PAN3: variants seen among roughly 807,000 people sequenced by gnomAD.
PAN3 encodes PAN2-PAN3 deadenylation complex subunit PAN3.
In PAN3, 19 loss-of-function variants were observed where a neutral mutation model predicts 96.2. That is an observed-to-expected ratio of 0.20 (90% CI 0.14 to 0.29). PAN3 has a LOEUF of 0.29. PAN3 is among the 10% of genes least tolerant of loss of function. The pLI is 1.00. For missense variants in PAN3, 882 were observed against 1,108.1 expected, an observed-to-expected ratio of 0.80 and a Z score of 2.90; for synonymous variants, 433 against 406.6, an observed-to-expected ratio of 1.06 and a Z score of -0.78.
At chr13:28,151,389 C>G (rs377446962) in intron 1 of PAN3, among the ~76,000 whole-genome samples, 1 of 151,976 alleles carries the variant, frequency 6.6e-6, no homozygotes, top group Non-Finnish European at 1.5e-5. Flanking sequence ...GTGGTGGGCA[C>G]CTGTAGTCCC....
chr13:28,206,563 C>T (rs1010477518), intron 5 of PAN3, among the ~76,000 whole-genome samples: 1 of 152,080 alleles, frequency 6.6e-6, no homozygotes, highest in East Asian at 1.9e-4. Flanking sequence ...CTCAGGTGAT[C>T]CAGCTGCCTC....
chr13:28,163,554 A>G (rs1331023249), intron 1 of PAN3, among the ~76,000 whole-genome samples: 3 of 152,232 alleles, frequency 2.0e-5, no homozygotes, highest in Non-Finnish European at 4.4e-5. Flanking sequence ...TGAAATTTAC[A>G]GTTACTTGCT....
At chr13:28,176,757 AG>A (rs1185650237) in intron 3 of PAN3, among the ~76,000 whole-genome samples, 198 bp downstream of exon 3, 2 of 152,138 alleles carry the variant, frequency 1.3e-5, no homozygotes, top group Non-Finnish European at 2.9e-5. Flanking sequence ...CTGTAATCCC[AG>A]CACTTTGGGA....
intron 6 of PAN3, chr13:28,239,632 C>A: frequency 7.8e-7 from 1 of 1,289,726 alleles, no homozygotes; most frequent in Non-Finnish European, 1.0e-6. Context: ...TCCTACAATT[C>A]ATGAAACTGA....
In PAN3 at chr13:28,138,815, C is replaced by T; in HGVS notation, c.158C>T (p.Ala53Val). The change falls in exon 1 of 19, where the codon GCT becomes GTT. Residue 53 changes from alanine (A) to valine (V), a missense_variant. By Grantham distance (64) the Ala-to-Val change is moderately conservative. Coordinates refer to ENST00000380958, the MANE Select transcript of PAN3 (RefSeq NM_175854.8). ...GVKLKYCRYYAKDKTCFYGEE... is the reference protein window; with the variant it reads ...GVKLKYCRYYVKDKTCFYGEE... ...AAGCTGAAGTACTGCCGCTACTACG[C>T]TAAGGATAAGACTTGCTTCTACGGG... The T allele has an allele frequency of 7.1e-7, 1 of 1,412,818 alleles. No homozygotes were observed. Among genetic ancestry groups the T allele is most frequent in the Non-Finnish European group, 9.2e-7 (1 of 1,086,330 alleles). The allele number at this position is 1,412,818 out of a possible 1,614,324, so 87.5% of individuals were successfully genotyped here. A position where few individuals can be genotyped will look rare whatever the true frequency, so the allele number is the denominator to read the frequency against.
At position 28,197,231 on chromosome 13, in the gene PAN3, T is replaced by C. The variant is rs989918874; in HGVS notation, c.737T>C (p.Met246Thr). 9 of 1,613,424 alleles carry C rather than the reference T, an allele frequency of 5.6e-6. No individual in the cohort carries two copies. The highest frequency in any genetic ancestry group is 1.3e-5 in the African/African-American group (1 of 74,884). The change falls in exon 5 of 19, where the codon ATG becomes ACG. Residue 246 changes from methionine to threonine, a missense_variant. Coordinates refer to ENST00000380958, the MANE Select transcript of PAN3 (RefSeq NM_175854.8). ...LGMLEERLVP[M>T]GSKARKAKNP... ...ATGCTGGAGGAGAGGCTAGTTCCGA[T>C]GGGATCAAAGGCACGAAAAGCAAAG...
At chr13:28,279,139 A>C (rs951688343) in intron 15 of PAN3, among the ~76,000 whole-genome samples, 2 of 152,124 alleles carry the variant, frequency 1.3e-5, no homozygotes, top group Non-Finnish European at 1.5e-5. Flanking sequence ...TACGTATAGA[A>C]TAAGCGGCAG....
chr13:28,239,430 T>C (rs1883439015), intron 6 of PAN3: 14 of 346,424 alleles, frequency 4.0e-5, no homozygotes, highest in South Asian at 2.7e-4. Context: ...GCCCATGACA[T>C]ATAGATGCCT....
At chr13:28,276,728 A>G (rs982564678) in intron 14 of PAN3, among the ~76,000 whole-genome samples, 1 of 152,202 alleles carries the variant, frequency 6.6e-6, no homozygotes, top group African/African-American at 2.4e-5. Context: ...AATGTTTGTA[A>G]TAGGATAACT....
chr13:28,170,737 C>G (rs765424894), intron 1 of PAN3, among the ~76,000 whole-genome samples: 1 of 152,100 alleles, frequency 6.6e-6, no homozygotes, highest in Non-Finnish European at 1.5e-5. Flanking sequence ...ATCATCATTA[C>G]TGTGAAAATA....
Position 28,154,300 on chromosome 13 carries a change from T to G in PAN3, c.430+15213T>G, listed in dbSNP as rs78547882. 6.9e-3 allele frequency among the ~76,000 whole-genome samples: 1,044 copies of G among 152,266 alleles called. 11 individuals carry two copies. The highest frequency in any genetic ancestry group is 0.024 in the African/African-American group (1,008 of 41,546). On this transcript the variant is annotated intron_variant, in intron 1 of 18. Transcript: ENST00000380958. Reference sequence around the variant, plus strand: ...GTTCAGGTCAAAATAGTGTACTGTATACACTCCAGTGAAACAGTGGGATCT... The same window carrying G: ...GTTCAGGTCAAAATAGTGTACTGTAGACACTCCAGTGAAACAGTGGGATCT...
chr13:28,285,482 TCA>T (rs1220500960), intron 17 of PAN3, among the ~76,000 whole-genome samples: 1 of 152,162 alleles, frequency 6.6e-6, no homozygotes, highest in African/African-American at 2.4e-5. Flanking sequence ...GTTCAGAAAT[TCA>T]CAGTGATGTT....
intron 15 of PAN3, among the ~76,000 whole-genome samples, chr13:28,279,753 T>C (rs1887316651): frequency 6.6e-6 from 1 of 151,224 alleles, no homozygotes. Context: ...AACGAGACTC[T>C]GTCACCAAAA....
At position 28,177,882 on chromosome 13, in the gene PAN3, G is replaced by A; in HGVS notation, c.637G>A (p.Ala213Thr). The change falls in exon 4 of 19, where the codon GCT becomes ACT. Residue 213 changes from alanine (A) to threonine (T), a missense_variant. Coordinates refer to ENST00000380958, the MANE Select transcript of PAN3 (RefSeq NM_175854.8). ...CCTTTCAGATCCTCTAACATCACCT[G>A]CTTCATCCTTGTTTAATGACTTTGG... ...YSAHDPLTSP[A>T]SSLFNDFGAL... The A allele has an allele frequency of 6.2e-7, 1 of 1,613,110 alleles. No individual in the cohort carries two copies. The highest frequency in any genetic ancestry group is 8.5e-7 in the Non-Finnish European group (1 of 1,179,342).
intron 1 of PAN3, among the ~76,000 whole-genome samples, chr13:28,140,377 T>C (rs1312717876): frequency 2.0e-5 from 3 of 152,220 alleles, no homozygotes; most frequent in African/African-American, 7.2e-5. Context: ...ATAGGAGTCC[T>C]ACTTTCTTGG....
chr13:28,238,932 T>C (rs1016426369), intron 6 of PAN3, among the ~76,000 whole-genome samples: 1 of 152,008 alleles, frequency 6.6e-6, no homozygotes, highest in African/African-American at 2.4e-5. Flanking sequence ...TTAGACATAA[T>C]AAGGAAGGCA....
At chr13:28,206,998 A>G (rs1006577459) in intron 5 of PAN3, among the ~76,000 whole-genome samples, 1 of 151,910 alleles carries the variant, frequency 6.6e-6, no homozygotes, top group African/African-American at 2.4e-5. Flanking sequence ...TTAAAACTCA[A>G]CCTGTCTAAA....
At position 28,158,832 on chromosome 13, in the gene PAN3, C is replaced by T. The variant is rs192959530; in HGVS notation, c.431-15440C>T. 7.2e-3 allele frequency among the ~76,000 whole-genome samples: 1,091 copies of T among 151,092 alleles called. 9 individuals are homozygous for T. Among genetic ancestry groups the T allele is most frequent in the Non-Finnish European group, 0.011 (739 of 67,844 alleles). ...GGCGGAGCTCACAGTGAGTGGATAT[C>T]GCGCCACTGCACTCCAGCCTGGGTG... is the stretch of plus-strand genomic sequence containing the variant. On this transcript the variant is annotated intron_variant, in intron 1 of 18. Transcript: ENST00000380958.
At position 28,229,995 on chromosome 13, in the gene PAN3, T is replaced by G. The variant is rs566280708; in HGVS notation, c.1000+9617T>G. Among the ~76,000 whole-genome samples the G allele has an allele frequency of 4.6e-5, 7 of 152,284 alleles. No homozygotes were observed. In the South Asian group the frequency reaches 1.5e-3, roughly 32 times the overall value. On this transcript the variant is annotated intron_variant, in intron 6 of 18. Coordinates refer to ENST00000380958, the MANE Select transcript of PAN3 (RefSeq NM_175854.8). ...TCTCCTCTTTCCTCTTAATCTCCCT[T>G]TCTCATCCTCCTCCTAATCTGCTGA...
Sources: allele counts gnomAD v4.1 joint callset (sites outside exome capture counted in the v4.1 genomes callset), GRCh38; gene constraint gnomAD v4.1.1; transcripts MANE v1.5; gene names NCBI Gene and HGNC (gene_info 2026-07-23, HGNC 2026-07-21).